DENND1A: variants seen among roughly 807,000 people sequenced by gnomAD.
DENND1A encodes the protein DENN domain-containing protein 1A.
Under a neutral mutation model 113.7 loss-of-function variants are expected in DENND1A, and 51 were observed. The observed-to-expected ratio is 0.45, with a 90% confidence interval of 0.36 to 0.57. The LOEUF (loss-of-function observed/expected upper bound fraction) is 0.57, where lower values mean the gene tolerates loss of function less well. Ranked by LOEUF, DENND1A falls within the 20% of genes least tolerant of loss-of-function variation. The pLI is 0.00. For synonymous variants in DENND1A, 565 were observed against 570.8 expected (o/e 0.99, Z 0.14); for missense variants, 1,258 against 1,395.9 (o/e 0.90, Z 1.57).
chr9:123,741,347 A>G (rs1448908903), intron 5 of DENND1A, among the ~76,000 whole-genome samples: 2 of 152,234 alleles, frequency 1.3e-5, no homozygotes, highest in Non-Finnish European at 2.9e-5. Context: ...TCAGAATGAC[A>G]ATCCATAACT....
chr9:123,879,069 G>A (rs1350386305), intron 1 of DENND1A, 48 bp from the exon 2 acceptor site: 5 of 1,578,072 alleles, frequency 3.2e-6, no homozygotes, highest in Admixed American at 3.3e-5. Context: ...GAGGCAGCAT[G>A]GTATAGAACA....
chr9:123,412,902 T>C (rs1482844238), intron 19 of DENND1A, among the ~76,000 whole-genome samples: 21 of 152,200 alleles, frequency 1.4e-4, no homozygotes, highest in Admixed American at 1.4e-3. Flanking sequence ...GTCCCATGTG[T>C]CTGGTCCACG....
chr9:123,672,341 T>C, intron 6 of DENND1A, among the ~76,000 whole-genome samples: 1 of 152,196 alleles, frequency 6.6e-6, no homozygotes, highest in African/African-American at 2.4e-5. Flanking sequence ...CTTGTGGGTG[T>C]GTGTGCATGT....
intron 11 of DENND1A, among the ~76,000 whole-genome samples, chr9:123,598,754 A>G (rs1340840533): frequency 6.6e-6 from 1 of 152,144 alleles, no homozygotes; most frequent in Non-Finnish European, 1.5e-5. Context: ...GTACTTATCA[A>G]GCTTCATAAT....
intron 13 of DENND1A, among the ~76,000 whole-genome samples, chr9:123,487,194 G>C (rs2050955730): frequency 6.6e-6 from 1 of 152,224 alleles, no homozygotes; most frequent in African/African-American, 2.4e-5. Flanking sequence ...AGCCATGCTG[G>C]TAGCAAGACA....
At chr9:123,623,690 G>A (rs1244451972) in intron 10 of DENND1A, among the ~76,000 whole-genome samples, 1 of 152,176 alleles carries the variant, frequency 6.6e-6, no homozygotes, top group Non-Finnish European at 1.5e-5. Context: ...TTGTGAATGC[G>A]CAATTGGTCC....
chr9:123,494,729 T>C (rs2134056992), intron 13 of DENND1A, among the ~76,000 whole-genome samples: 1 of 152,274 alleles, frequency 6.6e-6, no homozygotes, highest in South Asian at 2.1e-4. Flanking sequence ...AATAAGCTCC[T>C]AATCATCTTT....
In DENND1A at chr9:123,818,198, A is replaced by G. The variant is rs910953346; in HGVS notation, c.89-25568T>C. On this transcript the variant is annotated intron_variant, in intron 2 of 23. Transcript: ENST00000394215. ...CGGCTCACTGCAAGCTCCGCCTCCC[A>G]GGTTCACACCATTCTCCTGCCTCAG... 7.9e-5 allele frequency among the ~76,000 whole-genome samples: 12 copies of G among 151,574 alleles called. 1 individual carries two copies. The South Asian group carries it at 2.1e-3, about 26-fold the overall frequency.
chr9:123,528,026 G>A (rs1009392585), intron 13 of DENND1A, among the ~76,000 whole-genome samples: 7 of 152,188 alleles, frequency 4.6e-5, no homozygotes, highest in Non-Finnish European at 5.9e-5. Flanking sequence ...ATAGGCATCA[G>A]ACATGTTTTA....
rs532384153 is a variant in DENND1A at position 123,826,346 on chromosome 9, T to C, written c.89-33716A>G. Among the ~76,000 whole-genome samples, 6 of 152,170 alleles carry C rather than the reference T, an allele frequency of 3.9e-5. 1 individual carries two copies. The East Asian group carries it at 1.2e-3, about 29-fold the overall frequency. On this transcript the variant is annotated intron_variant, in intron 2 of 23. Transcript: ENST00000394215. ...TGAGCCTGGGAGGTGGAGGATGCAA[T>C]GAACTGTGATCACTCCACTGCACTA...
intron 19 of DENND1A, among the ~76,000 whole-genome samples, chr9:123,434,924 T>C (rs1037036174): frequency 2.0e-5 from 3 of 152,050 alleles, no homozygotes; most frequent in African/African-American, 7.2e-5. Context: ...TCCAGGTGAA[T>C]GATTATGCTG....
At chr9:123,551,996 A>AGAGAGCGAGAGAGAGC (rs1338643409) in intron 13 of DENND1A, among the ~76,000 whole-genome samples, 2 of 146,812 alleles carry the variant, frequency 1.4e-5, no homozygotes, top group African/African-American at 2.6e-5. Flanking sequence ...AGAGAGCGAG[A>AGAGAGCGAGAGAGAGC]GAGAGCGAGA....
At chr9:123,403,536 A>G in intron 20 of DENND1A, 46 bp from the exon 21 acceptor site, 1 of 1,551,128 alleles carries the variant, frequency 6.4e-7, no homozygotes, top group Non-Finnish European at 8.9e-7. Flanking sequence ...GTGAGTTGGA[A>G]AAGCCATACA....
chr9:123,584,438 C>T lies in DENND1A; in HGVS notation c.766-1168G>A, dbSNP rs145461798. ...GCCAACTCACGTGCCTGCCGAGTGGCACCAGTCGGGGAATGGGGGCAGATG... is the reference window on the plus strand; with the variant it reads ...GCCAACTCACGTGCCTGCCGAGTGGTACCAGTCGGGGAATGGGGGCAGATG... On this transcript the variant is annotated intron_variant, in intron 11 of 23. Transcript: ENST00000394215. 7.5e-4 allele frequency among the ~76,000 whole-genome samples: 114 copies of T among 152,312 alleles called. 1 individual carries two copies. The highest frequency in any genetic ancestry group is 3.4e-3 in the Middle Eastern group (1 of 294).
intron 14 of DENND1A, 45 bp downstream of exon 14, chr9:123,457,748 C>T: frequency 1.9e-6 from 3 of 1,539,350 alleles, no homozygotes; most frequent in African/African-American, 1.4e-5. Flanking sequence ...CTGCAGAAAT[C>T]CCCGCCAGGG....
intron 13 of DENND1A, among the ~76,000 whole-genome samples, chr9:123,556,471 C>T (rs2057420981): frequency 6.6e-6 from 1 of 152,232 alleles, no homozygotes; most frequent in Non-Finnish European, 1.5e-5. Flanking sequence ...GGAAGCGTGA[C>T]CCCTGCTCAC....
chr9:123,389,138 G>GT (rs2042713962), intron 21 of DENND1A, among the ~76,000 whole-genome samples: 1 of 152,270 alleles, frequency 6.6e-6, no homozygotes, highest in Non-Finnish European at 1.5e-5. Context: ...GTGAGAGACA[G>GT]TGGCTGCGCA....
chr9:123,659,651 T>C (rs921255167), intron 8 of DENND1A, among the ~76,000 whole-genome samples: 4 of 152,154 alleles, frequency 2.6e-5, no homozygotes, highest in African/African-American at 9.7e-5. Flanking sequence ...GTTTCTCACA[T>C]TTTCCTTTTG....
rs2053924822 is a variant in DENND1A, at chr9:123,516,521, A to G, written c.993+41049T>C. Among the ~76,000 whole-genome samples the G allele has an allele frequency of 3.3e-5, 5 of 152,172 alleles. No homozygotes were observed. The South Asian group carries it at 1.0e-3, about 32-fold the overall frequency. On this transcript the variant is annotated intron_variant, in intron 13 of 23. Coordinates refer to ENST00000394215, the MANE Select transcript of DENND1A (RefSeq NM_001352964.2). ...AACAATTCATTTCTCTTTGCCTATT[A>G]AATTGGCAAATATAAAAAATAAAAA...
Sources: gnomAD v4.1 joint callset for allele counts (sites outside exome capture counted in the v4.1 genomes callset) on GRCh38, gnomAD v4.1.1 for gene constraint, MANE v1.5 for transcripts, NCBI Gene and HGNC (gene_info 2026-07-23, HGNC 2026-07-21) for gene names.